The following NTM variants were observed in gnomAD, a reference collection of about 807,000 sequenced individuals.
The protein encoded by NTM is neurotrimin.
A neutral mutation model predicts 42.1 loss-of-function variants in NTM; 13 were observed. The ratio of observed to expected loss-of-function variants is 0.31; its 90% CI spans 0.20 to 0.49. The LOEUF is 0.49. Ranked by LOEUF, NTM falls within the 20% of genes least tolerant of loss-of-function variation. The pLI is 0.99. For synonymous variants in NTM, 187 were observed against 179.2 expected, an observed-to-expected ratio of 1.04 and a Z score of -0.35; for missense variants, 373 against 452.8, an observed-to-expected ratio of 0.82 and a Z score of 1.60.
rs144052546 is a variant in NTM at position 131,866,463 on chromosome 11, T to C, written c.83-45101T>C. On this transcript the variant is annotated intron_variant, in intron 1 of 8. Coordinates refer to ENST00000683400, the MANE Select transcript of NTM (RefSeq NM_001352005.2). ...CTTAGGCACGGGGACCTGCCCTGAC[T>C]CCTCCGTAGGGCCAGGTTGGCCATG... is the stretch of plus-strand genomic sequence containing the variant. 5.7e-3 allele frequency among the ~76,000 whole-genome samples: 875 copies of C among 152,308 alleles called. 9 individuals are homozygous for C. Among genetic ancestry groups the C allele is most frequent in the African/African-American group, 0.02 (824 of 41,570 alleles).
At chr11:131,734,895 A>G (rs967016459) in intron 1 of NTM, among the ~76,000 whole-genome samples, 3 of 152,222 alleles carry the variant, frequency 2.0e-5, no homozygotes, top group Non-Finnish European at 2.9e-5. Flanking sequence ...TTAAAATAAC[A>G]CCAAGAACAA....
chr11:131,723,673 A>C (rs2135418750), intron 1 of NTM, among the ~76,000 whole-genome samples: 1 of 152,312 alleles, frequency 6.6e-6, no homozygotes, highest in East Asian at 1.9e-4. Context: ...CAAGCATCTA[A>C]GAAAACAGAC....
At chr11:132,117,472 A>C (rs1263110320) in intron 2 of NTM, among the ~76,000 whole-genome samples, 1 of 152,204 alleles carries the variant, frequency 6.6e-6, no homozygotes, top group Non-Finnish European at 1.5e-5. Flanking sequence ...TGCTCTCAGA[A>C]GTGAAGGGCT....
At chr11:132,200,370 G>A (rs1201650328) in intron 3 of NTM, among the ~76,000 whole-genome samples, 1 of 152,188 alleles carries the variant, frequency 6.6e-6, no homozygotes, top group Non-Finnish European at 1.5e-5. Flanking sequence ...TAGCACTAGA[G>A]AGAGGCTGAA....
intron 1 of NTM, among the ~76,000 whole-genome samples, chr11:131,722,683 C>A (rs2078509281): frequency 6.6e-6 from 1 of 152,212 alleles, no homozygotes; most frequent in Non-Finnish European, 1.5e-5. Flanking sequence ...CTTTAACACA[C>A]TTGGTGTGAG....
intron 4 of NTM, among the ~76,000 whole-genome samples, chr11:132,238,108 T>G (rs985392771): frequency 2.2e-4 from 33 of 152,166 alleles, no homozygotes; most frequent in African/African-American, 7.7e-4. Flanking sequence ...TTAATTTGGC[T>G]GCAGTGCACT....
intron 1 of NTM, among the ~76,000 whole-genome samples, chr11:131,822,537 T>C (rs1320964290): frequency 1.3e-5 from 2 of 152,172 alleles, no homozygotes; most frequent in African/African-American, 4.8e-5. Flanking sequence ...AGAGGGAGCT[T>C]TTCTTCCTTT....
chr11:131,493,519 A>AT (rs1458564762), intron 1 of NTM, among the ~76,000 whole-genome samples: 1 of 152,018 alleles, frequency 6.6e-6, no homozygotes, highest in Non-Finnish European at 1.5e-5. Flanking sequence ...CTTTGGATTA[A>AT]TTTTTCTTCA....
chr11:131,985,747 G>T (rs2065962095), intron 2 of NTM, among the ~76,000 whole-genome samples: 1 of 152,194 alleles, frequency 6.6e-6, no homozygotes, highest in Admixed American at 6.5e-5. Context: ...TCACGTAATT[G>T]TAAGAGGTGG....
At chr11:131,445,258 G>A (rs1311176701) in intron 1 of NTM, among the ~76,000 whole-genome samples, 1 of 152,148 alleles carries the variant, frequency 6.6e-6, no homozygotes, top group Non-Finnish European at 1.5e-5. Context: ...ACCCCTAAGG[G>A]TATGTATACA....
At chr11:131,440,562 A>T (rs1427524985) in intron 1 of NTM, among the ~76,000 whole-genome samples, 2 of 151,954 alleles carry the variant, frequency 1.3e-5, no homozygotes, top group Admixed American at 1.3e-4. Flanking sequence ...CTGCCCCTTC[A>T]CACTTTCTGA....
intron 1 of NTM, among the ~76,000 whole-genome samples, chr11:131,423,134 C>A (rs1947711393): frequency 6.6e-6 from 1 of 152,170 alleles, no homozygotes; most frequent in East Asian, 1.9e-4. Context: ...AACATTTGAA[C>A]AAGATCCTTA....
chr11:131,525,684 G>A (rs1357475783), intron 1 of NTM, among the ~76,000 whole-genome samples: 1 of 152,184 alleles, frequency 6.6e-6, no homozygotes, highest in Admixed American at 6.5e-5. Context: ...CATCACTGGG[G>A]CATGAGGTAA....
intron 1 of NTM, among the ~76,000 whole-genome samples, chr11:131,859,852 GCCTCC>G (rs1374502760): frequency 4.0e-5 from 6 of 150,036 alleles, no homozygotes; most frequent in Admixed American, 1.3e-4. Context: ...TTTTAGAAGT[GCCTCC>G]CCTTTTTTTT....
chr11:131,503,334 G>T (rs188564643), intron 1 of NTM, among the ~76,000 whole-genome samples: 3 of 152,252 alleles, frequency 2.0e-5, no homozygotes, highest in Admixed American at 6.5e-5. Context: ...ATGCAGGGTA[G>T]ATCTGGGGAG....
chr11:132,232,395 G>A (rs1166165129), intron 4 of NTM, among the ~76,000 whole-genome samples: 2 of 152,206 alleles, frequency 1.3e-5, no homozygotes, highest in Non-Finnish European at 2.9e-5. Context: ...CACACTGCTG[G>A]GACAGGACGA....
intron 1 of NTM, among the ~76,000 whole-genome samples, chr11:131,791,515 C>T (rs1161336775): frequency 5.9e-5 from 9 of 152,186 alleles, no homozygotes; most frequent in African/African-American, 2.2e-4. Flanking sequence ...GTAACTACCA[C>T]CCAGGTCAAG....
At chr11:132,281,727 T>G (rs2093977870) in intron 4 of NTM, among the ~76,000 whole-genome samples, 1 of 152,216 alleles carries the variant, frequency 6.6e-6, no homozygotes. Context: ...ACAGACATAT[T>G]CTTCTTTTAG....
intron 4 of NTM, among the ~76,000 whole-genome samples, chr11:132,254,064 T>A (rs1249646802): frequency 6.6e-6 from 1 of 152,112 alleles, no homozygotes; most frequent in East Asian, 1.9e-4. Flanking sequence ...TGCCAAAGCC[T>A]CCTCTCACCT....
Sources: gnomAD v4.1 joint callset for allele counts (sites outside exome capture counted in the v4.1 genomes callset) on GRCh38, gnomAD v4.1.1 for gene constraint, MANE v1.5 for transcripts, NCBI Gene and HGNC (gene_info 2026-07-23, HGNC 2026-07-21) for gene names.